The following HS2ST1 variants were observed in gnomAD, a reference collection of about 807,000 sequenced individuals.
HS2ST1 encodes the protein heparan sulfate 2-O-sulfotransferase 1.
HS2ST1 carries 18 observed loss-of-function variants against 42.9 expected under a neutral mutation model. The ratio of observed to expected loss-of-function variants is 0.42; its 90% CI spans 0.29 to 0.62. HS2ST1 has a LOEUF of 0.62. Ranked by LOEUF, HS2ST1 falls within the 20% of genes least tolerant of loss-of-function variation. The pLI is 0.21. For missense variants in HS2ST1, 334 were observed against 433.8 expected, an observed-to-expected ratio of 0.77 and a Z score of 2.04; for synonymous variants, 146 against 152.9, an observed-to-expected ratio of 0.95 and a Z score of 0.33.
chr1:87,095,688 T>C (rs1406892768), intron 4 of HS2ST1, among the ~76,000 whole-genome samples: 2 of 152,154 alleles, frequency 1.3e-5, no homozygotes, highest in African/African-American at 2.4e-5. Flanking sequence ...GGAACTCCTT[T>C]TATACTCTTA....
intron 1 of HS2ST1, among the ~76,000 whole-genome samples, chr1:86,961,153 AAT>A (rs944220837): frequency 6.6e-6 from 1 of 151,826 alleles, no homozygotes; most frequent in African/African-American, 2.4e-5. Flanking sequence ...AAAAAAAAAA[AAT>A]CTACTTGGAG....
chr1:87,076,497 A>G (rs902240629), intron 2 of HS2ST1, among the ~76,000 whole-genome samples: 1 of 152,196 alleles, frequency 6.6e-6, no homozygotes, highest in Non-Finnish European at 1.5e-5. Context: ...TCTTTTCTGT[A>G]GTTTAGAAAT....
intron 1 of HS2ST1, among the ~76,000 whole-genome samples, chr1:86,963,753 C>G (rs569761293): frequency 6.8e-4 from 99 of 145,974 alleles, no homozygotes; most frequent in East Asian, 3.8e-3. Context: ...CGCCCCCCCC[C>G]CCACCTCCCG....
intron 1 of HS2ST1, among the ~76,000 whole-genome samples, chr1:87,035,303 A>T (rs1650345311): frequency 6.6e-6 from 1 of 152,200 alleles, no homozygotes. Context: ...ACAATTTTTA[A>T]CCTATCGGTA....
In HS2ST1 at chr1:87,068,588, T is replaced by A. The variant is rs369272422; in HGVS notation, c.125-4346T>A. ...TGATTGCCCTGGCCAGAACTTCCAA[T>A]ACTATGTTGAATAGGAGTGGTGAGA... On this transcript the variant is annotated intron_variant, in intron 1 of 6. Transcript: ENST00000370550. Among the ~76,000 whole-genome samples, 23 of 152,266 alleles carry A rather than the reference T, an allele frequency of 1.5e-4. No homozygotes were observed. In the East Asian group the frequency reaches 4.4e-3, roughly 29 times the overall value.
chr1:87,024,474 C>T (rs922079901), intron 1 of HS2ST1, among the ~76,000 whole-genome samples: 1 of 149,134 alleles, frequency 6.7e-6, no homozygotes, highest in African/African-American at 2.5e-5. Context: ...GCACTTCAGC[C>T]TGGGCGACAG....
chr1:87,071,421 A>C (rs111412328), intron 1 of HS2ST1, among the ~76,000 whole-genome samples: 1 of 152,330 alleles, frequency 6.6e-6, no homozygotes, highest in Admixed American at 6.5e-5. Context: ...GTAGTATAAG[A>C]TAGATGAATG....
intron 1 of HS2ST1, among the ~76,000 whole-genome samples, chr1:87,041,678 C>T (rs1445617868): frequency 6.6e-6 from 1 of 152,158 alleles, no homozygotes; most frequent in East Asian, 1.9e-4. Flanking sequence ...TCAGTGGAGG[C>T]ATGCAGTATT....
At chr1:86,923,680 G>A (rs559401914) in intron 1 of HS2ST1, among the ~76,000 whole-genome samples, 33 of 152,336 alleles carry the variant, frequency 2.2e-4, no homozygotes, top group Middle Eastern at 3.4e-3. Context: ...ACAGGTGTGA[G>A]CCACTTCGCC....
intron 4 of HS2ST1, among the ~76,000 whole-genome samples, chr1:87,095,394 T>C (rs1652036654): frequency 6.6e-6 from 1 of 152,212 alleles, no homozygotes; most frequent in South Asian, 2.1e-4. Flanking sequence ...GCAACTATTA[T>C]GTTTTAAACT....
intron 1 of HS2ST1, among the ~76,000 whole-genome samples, chr1:86,999,536 T>C (rs1012488713): frequency 1.3e-5 from 2 of 152,218 alleles, no homozygotes; most frequent in African/African-American, 4.8e-5. Flanking sequence ...TCTTTTTGTT[T>C]ATCTATTAAT....
intron 1 of HS2ST1, among the ~76,000 whole-genome samples, chr1:87,052,947 A>G (rs1037438768): frequency 6.6e-5 from 10 of 152,212 alleles, no homozygotes; most frequent in Non-Finnish European, 1.2e-4. Flanking sequence ...AGTCCTTGGA[A>G]TTAGTAGCTA....
chr1:87,065,499 T>A (rs1651226150), intron 1 of HS2ST1, among the ~76,000 whole-genome samples: 1 of 152,222 alleles, frequency 6.6e-6, no homozygotes, highest in African/African-American at 2.4e-5. Flanking sequence ...CAGTGTCTTT[T>A]GTTAGGTTAT....
rs564825871 is a variant in HS2ST1, at chr1:87,047,583, A to G, written c.125-25351A>G. On this transcript the variant is annotated intron_variant, in intron 1 of 6. Coordinates refer to ENST00000370550, the MANE Select transcript of HS2ST1 (RefSeq NM_012262.4). ...TGATTCATTTTAAATTCATTTTTGT[A>G]TATGATGTGAAGAATGAAGAAAGAA... is the stretch of plus-strand genomic sequence containing the variant. 9.0e-4 allele frequency among the ~76,000 whole-genome samples: 137 copies of G among 152,252 alleles called. 1 individual carries two copies. The highest frequency in any genetic ancestry group is 3.1e-3 in the African/African-American group (129 of 41,552).
intron 5 of HS2ST1, among the ~76,000 whole-genome samples, chr1:87,099,184 G>A (rs1029343170): frequency 2.6e-5 from 4 of 152,152 alleles, no homozygotes; most frequent in African/African-American, 9.7e-5. Context: ...TTGAGTAATT[G>A]TAACCTAAAC....
chr1:87,101,149 G>GTGTTTTTTTTTTTTTT (rs1557546421), intron 5 of HS2ST1, among the ~76,000 whole-genome samples: 1 of 59,540 alleles, frequency 1.7e-5, no homozygotes, highest in Non-Finnish European at 3.0e-5. Flanking sequence ...GTGTGTGTGT[G>GTGTTTTTTTTTTTTTT]TTTTTTGTTT....
intron 1 of HS2ST1, among the ~76,000 whole-genome samples, chr1:87,010,295 AT>A (rs564173347): frequency 0.011 from 1,662 of 144,948 alleles, 28 homozygotes; most frequent in African/African-American, 0.034. Flanking sequence ...GAGAAGCACA[AT>A]TTTTTTTTTT....
chr1:86,949,001 C>A (rs1366569163), intron 1 of HS2ST1, among the ~76,000 whole-genome samples: 1 of 152,122 alleles, frequency 6.6e-6, no homozygotes, highest in African/African-American at 2.4e-5. Context: ...GTAATAGTTA[C>A]TACTTCTTTT....
intron 1 of HS2ST1, among the ~76,000 whole-genome samples, chr1:86,996,938 T>C (rs1649118603): frequency 6.6e-6 from 1 of 152,162 alleles, no homozygotes; most frequent in African/African-American, 2.4e-5. Flanking sequence ...TGAATTCTCC[T>C]ACTGAAACCT....
Sources: allele counts gnomAD v4.1 joint callset (sites outside exome capture counted in the v4.1 genomes callset), GRCh38; gene constraint gnomAD v4.1.1; transcripts MANE v1.5; gene names NCBI Gene and HGNC (gene_info 2026-07-23, HGNC 2026-07-21).